ITGA9: variants seen among roughly 807,000 people sequenced by gnomAD.
ITGA9 encodes integrin subunit alpha 9.
Under a neutral mutation model 127.8 loss-of-function variants are expected in ITGA9, and 56 were observed. The ratio of observed to expected loss-of-function variants is 0.44; its 90% CI spans 0.35 to 0.55. The LOEUF is 0.55. ITGA9 is among the 20% of genes least tolerant of loss of function. The probability of loss-of-function intolerance (pLI) is 0.00; values close to 1 mark genes in which losing one functional copy is unlikely to be tolerated. For synonymous variants in ITGA9, 508 were observed against 514.5 expected (o/e 0.99, Z 0.17); for missense variants, 1,196 against 1,347.1 (o/e 0.89, Z 1.76).
At chr3:37,687,912 C>T (rs1011984849) in intron 18 of ITGA9, among the ~76,000 whole-genome samples, 12 of 152,176 alleles carry the variant, frequency 7.9e-5, no homozygotes, top group Non-Finnish European at 4.4e-5. Flanking sequence ...GACAGGAAGG[C>T]GTGCATTTAT....
chr3:37,561,184 A>G (rs543550485), intron 15 of ITGA9, among the ~76,000 whole-genome samples: 91 of 152,362 alleles, frequency 6.0e-4, no homozygotes, highest in Middle Eastern at 3.4e-3. Flanking sequence ...AAAAATGTAT[A>G]TTATTTAGTC....
At chr3:37,651,142 C>T (rs1216615897) in intron 16 of ITGA9, among the ~76,000 whole-genome samples, 1 of 152,080 alleles carries the variant, frequency 6.6e-6, no homozygotes, top group Non-Finnish European at 1.5e-5. Context: ...TACACACACG[C>T]ACTGTGTGTG....
At chr3:37,651,754 TACTAGGTGA>T (rs746507422) in intron 16 of ITGA9, among the ~76,000 whole-genome samples, 49 of 152,244 alleles carry the variant, frequency 3.2e-4, no homozygotes, top group Non-Finnish European at 6.3e-4. Context: ...AGAGGACATG[TACTAGGTGA>T]ACCAGCTGGA....
chr3:37,467,034 C>A (rs936604348), intron 1 of ITGA9, among the ~76,000 whole-genome samples: 2 of 152,172 alleles, frequency 1.3e-5, no homozygotes, highest in Admixed American at 6.5e-5. Context: ...TGGTAAACAG[C>A]CAGCTGAATT....
Position 37,821,187 on chromosome 3 carries a change from C to A in ITGA9, c.*2198C>A, listed in dbSNP as rs1338526109. 6.6e-6 allele frequency: 1 copy of A among 152,226 alleles called. No homozygotes were observed. Among genetic ancestry groups the A allele is most frequent in the African/African-American group, 2.4e-5 (1 of 41,448 alleles). 9.4% of individuals were successfully genotyped at this position (152,226 alleles called of 1,614,324 possible). On this transcript the variant is annotated 3_prime_UTR_variant, in exon 28 of 28. Transcript: ENST00000264741. Reference sequence around the variant, plus strand: ...TGGAAATCAGGGATGTTGCATCTAACTGTGGGATGGAGGCACAGAGGTAGC... The same window carrying A: ...TGGAAATCAGGGATGTTGCATCTAAATGTGGGATGGAGGCACAGAGGTAGC...
At position 37,819,138 on chromosome 3, in the gene ITGA9, G is replaced by A; in HGVS notation, c.*149G>A. On this transcript the variant is annotated 3_prime_UTR_variant, in exon 28 of 28. Coordinates refer to ENST00000264741, the MANE Select transcript of ITGA9 (RefSeq NM_002207.3). ...TTCATTCTATCAAGCCCAGGTGCCA[G>A]CCTGAGGCAGCCACTTCGGCCAGGT... 1 of 695,180 alleles carries A rather than the reference G, an allele frequency of 1.4e-6. No individual in the cohort carries two copies. Among genetic ancestry groups the A allele is most frequent in the Non-Finnish European group, 2.6e-6 (1 of 383,732 alleles). The allele number at this position is 695,180 out of a possible 1,614,324, so 43.1% of individuals were successfully genotyped here. A position where few individuals can be genotyped will look rare whatever the true frequency, so the allele number is the denominator to read the frequency against.
At chr3:37,571,135 G>C (rs1699597720) in intron 15 of ITGA9, among the ~76,000 whole-genome samples, 1 of 152,212 alleles carries the variant, frequency 6.6e-6, no homozygotes, top group Non-Finnish European at 1.5e-5. Context: ...AGGAGGGATT[G>C]CATAGCAATA....
intron 15 of ITGA9, among the ~76,000 whole-genome samples, chr3:37,607,325 G>C (rs1699978063): frequency 1.3e-5 from 2 of 152,172 alleles, no homozygotes; most frequent in African/African-American, 2.4e-5. Flanking sequence ...GGGTAACTCA[G>C]TTGTTCATGG....
At chr3:37,815,320 T>C (rs888872773) in intron 27 of ITGA9, among the ~76,000 whole-genome samples, 7 of 152,136 alleles carry the variant, frequency 4.6e-5, no homozygotes, top group African/African-American at 1.7e-4. Context: ...AAGAGAAGTC[T>C]GGTTCAGGCC....
At chr3:37,515,114 C>T (rs1029743479) in intron 9 of ITGA9, among the ~76,000 whole-genome samples, 3 of 152,130 alleles carry the variant, frequency 2.0e-5, no homozygotes, top group Non-Finnish European at 4.4e-5. Flanking sequence ...TGCCGCCTAC[C>T]TTTTCTCTAA....
At chr3:37,557,372 G>GCTGTGTGC (rs1399471666) in intron 15 of ITGA9, among the ~76,000 whole-genome samples, 1 of 152,168 alleles carries the variant, frequency 6.6e-6, no homozygotes, top group Non-Finnish European at 1.5e-5. Flanking sequence ...TAGTGAGTAC[G>GCTGTGTGC]CTGTGTGCGG....
chr3:37,762,770 C>T (rs905527812), intron 23 of ITGA9, among the ~76,000 whole-genome samples: 2 of 152,186 alleles, frequency 1.3e-5, no homozygotes, highest in East Asian at 1.9e-4. Flanking sequence ...CAGGGTCTTG[C>T]GCCATCCTTT....
intron 15 of ITGA9, among the ~76,000 whole-genome samples, chr3:37,594,293 C>G (rs1699848694): frequency 1.3e-5 from 2 of 152,180 alleles, no homozygotes. Context: ...GGAGGGGACT[C>G]ACATCTCTGT....
intron 1 of ITGA9, among the ~76,000 whole-genome samples, chr3:37,467,328 ATTG>A (rs769693158): frequency 1.3e-5 from 2 of 152,184 alleles, no homozygotes; most frequent in African/African-American, 4.8e-5. Flanking sequence ...TGAATCAGCT[ATTG>A]TTGTTAGAAC....
intron 20 of ITGA9, among the ~76,000 whole-genome samples, chr3:37,739,235 A>G (rs926640980): frequency 2.0e-5 from 3 of 152,256 alleles, no homozygotes; most frequent in Admixed American, 2.0e-4. Context: ...CCCCCTATGT[A>G]CATTAACAGT....
At chr3:37,772,628 T>A (rs181926308) in intron 23 of ITGA9, among the ~76,000 whole-genome samples, 17 of 152,262 alleles carry the variant, frequency 1.1e-4, no homozygotes, top group Admixed American at 7.8e-4. Flanking sequence ...ACTGAGTTCC[T>A]GAGTTTTAGC....
chr3:37,676,557 C>T (rs1700684441), intron 17 of ITGA9, among the ~76,000 whole-genome samples: 1 of 152,210 alleles, frequency 6.6e-6, no homozygotes, highest in Non-Finnish European at 1.5e-5. Context: ...GGGATACTGA[C>T]TAGATAGAAC....
intron 5 of ITGA9, among the ~76,000 whole-genome samples, chr3:37,497,556 CT>C (rs1698744293): frequency 6.6e-6 from 1 of 152,082 alleles, no homozygotes; most frequent in Admixed American, 6.6e-5. Flanking sequence ...TTTAATCTTT[CT>C]GGAATTTGTG....
chr3:37,466,091 G>A (rs1202721979), intron 1 of ITGA9, among the ~76,000 whole-genome samples: 1 of 152,048 alleles, frequency 6.6e-6, no homozygotes, highest in Non-Finnish European at 1.5e-5. Context: ...GATCCTGCCC[G>A]CAATGAGCCT....
Sources: gnomAD v4.1 joint callset for allele counts (sites outside exome capture counted in the v4.1 genomes callset) on GRCh38, gnomAD v4.1.1 for gene constraint, MANE v1.5 for transcripts, NCBI Gene and HGNC (gene_info 2026-07-23, HGNC 2026-07-21) for gene names.